Variants in NRROS observed in about 807,000 individuals in gnomAD.
The protein encoded by NRROS is negative regulator of reactive oxygen species.
In NRROS, 6 loss-of-function variants were observed where a neutral mutation model predicts 12.0. The observed-to-expected ratio is 0.50, with a 90% CI of 0.27 to 0.98. The LOEUF is 0.98. NRROS is among the 50% of genes least tolerant of loss of function. NRROS has a pLI of 0.11. For missense variants in NRROS, 857 were observed against 888.2 expected, an observed-to-expected ratio of 0.96 and a Z score of 0.45; for synonymous variants, 462 against 410.2, an observed-to-expected ratio of 1.13 and a Z score of -1.53.
Position 196,654,716 on chromosome 3 carries a change from C to A in NRROS, c.108+69C>A. 1.0e-6 allele frequency: 1 copy of A among 971,740 alleles called. No homozygotes were observed. The highest frequency in any genetic ancestry group is 2.2e-4 in the Middle Eastern group (1 of 4,524). The allele number at this position is 971,740 out of a possible 1,614,324, so 60.2% of individuals were successfully genotyped here. Reference sequence around the variant, plus strand: ...GACAAGGCTTGGTCCATTTGGAAAGCTGACAGATTGTCCATCAGGAAGGGC... The same window carrying A: ...GACAAGGCTTGGTCCATTTGGAAAGATGACAGATTGTCCATCAGGAAGGGC... On this transcript the variant is annotated intron_variant, in intron 2 of 2. Coordinates refer to ENST00000328557, the MANE Select transcript of NRROS (RefSeq NM_198565.3). The surrounding 1 kb of genome is among the most constrained non-coding windows in gnomAD (Gnocchi z 4.4).
intron 1 of NRROS, among the ~76,000 whole-genome samples, chr3:196,644,835 C>T (rs1417008941): frequency 6.6e-6 from 1 of 150,896 alleles, no homozygotes; most frequent in Non-Finnish European, 1.5e-5. Context: ...TGCCTGTAGC[C>T]CCAGCTACTC....
intron 1 of NRROS, among the ~76,000 whole-genome samples, chr3:196,650,598 T>C (rs907798352): frequency 1.3e-5 from 2 of 152,246 alleles, no homozygotes; most frequent in Non-Finnish European, 2.9e-5. Flanking sequence ...ACATAATTTC[T>C]AAAACAAAGG....
chr3:196,661,349 C>G lies in NRROS; in HGVS notation c.1706C>G (p.Ser569Trp). ...GAGACCCTGGATCTCCGTAGAAACT[C>G]GCTCACAGCCCTTCCCCAGAAGGCT... ...ALETLDLRRN[S>W]LTALPQKAVS... Residue 569 changes from serine to tryptophan, a missense_variant, in exon 3 of 3, where the codon TCG becomes TGG. Transcript: ENST00000328557. The G allele has an allele frequency of 6.3e-7, 1 of 1,580,734 alleles. No homozygotes were observed. Among genetic ancestry groups the G allele is most frequent in the Non-Finnish European group, 8.6e-7 (1 of 1,162,470 alleles).
Position 196,660,856 on chromosome 3 carries a change from C to A in NRROS, c.1213C>A (p.Arg405Ser), listed in dbSNP as rs1473470158. The A allele has an allele frequency of 6.2e-7, 1 of 1,613,746 alleles. No individual in the cohort carries two copies. The highest frequency in any genetic ancestry group is 1.3e-5 in the African/African-American group (1 of 74,936). The change falls in exon 3 of 3, where the codon CGC becomes AGC. Residue 405 changes from arginine (R) to serine (S), a missense_variant. By Grantham distance (110) the Arg-to-Ser change is moderately radical. Transcript: ENST00000328557. This position sits in a 1 kb window ranked among gnomAD's most constrained non-coding sequence, Gnocchi z 7.7. Reference protein sequence around the residue: ...PGLASCLGSLRLFNLSSNQLL... With the variant: ...PGLASCLGSLSLFNLSSNQLL... ...GCTGGCCAGCTGCCTGGGCAGCCTG[C>A]GCTTGTTCAACCTGAGCTCCAACCA...
At chr3:196,652,750 C>T (rs1737454336) in intron 1 of NRROS, among the ~76,000 whole-genome samples, 1 of 152,124 alleles carries the variant, frequency 6.6e-6, no homozygotes, top group Non-Finnish European at 1.5e-5. Context: ...CGCTGAGGGA[C>T]CTGCACTCTT....
chr3:196,645,423 T>C (rs2108636045), intron 1 of NRROS, among the ~76,000 whole-genome samples: 1 of 152,274 alleles, frequency 6.6e-6, no homozygotes, highest in East Asian at 1.9e-4. Context: ...CTGTACAGCC[T>C]AAACCTATGT....
At chr3:196,643,271 C>G (rs981430077) in intron 1 of NRROS, among the ~76,000 whole-genome samples, 14 of 152,248 alleles carry the variant, frequency 9.2e-5, no homozygotes, top group African/African-American at 3.4e-4. Context: ...CAGGTGCTGA[C>G]CCCAAGCCAA....
At chr3:196,650,590 A>G (rs751937020) in intron 1 of NRROS, among the ~76,000 whole-genome samples, 1 of 152,228 alleles carries the variant, frequency 6.6e-6, no homozygotes. Context: ...CGCAACAAAC[A>G]TAATTTCTAA....
At chr3:196,655,110 C>A (rs1416551942) in intron 2 of NRROS, 6 of 162,720 alleles carry the variant, frequency 3.7e-5, no homozygotes, top group Non-Finnish European at 6.7e-5. Context: ...TGGCACACAC[C>A]TATAGTCCCA....
chr3:196,652,312 T>C (rs1235240526), intron 1 of NRROS, among the ~76,000 whole-genome samples: 4 of 152,224 alleles, frequency 2.6e-5, no homozygotes, highest in Non-Finnish European at 1.5e-5. Context: ...CACTGGTGTT[T>C]GGAACTCACA....
chr3:196,660,096 C>T lies in NRROS; in HGVS notation c.453C>T (p.Leu151=), dbSNP rs1219515439. The change falls in exon 3 of 3, where the codon CTC becomes CTT. Residue 151 remains leucine (L), a synonymous_variant. Coordinates refer to ENST00000328557, the MANE Select transcript of NRROS (RefSeq NM_198565.3). The surrounding 1 kb of genome is among the most constrained non-coding windows in gnomAD (Gnocchi z 7.7). ...CCCTGACGGAGGACATGGCAGCCCT[C>T]ATGCTCCAGAACCTCTCCTCGCTGC... ...GNALTEDMAA[L]MLQNLSSLRS... 1 of 1,613,124 alleles carries T rather than the reference C, an allele frequency of 6.2e-7. No individual in the cohort carries two copies. The highest frequency in any genetic ancestry group is 8.5e-7 in the Non-Finnish European group (1 of 1,179,958).
chr3:196,643,373 G>T (rs917818515), intron 1 of NRROS, among the ~76,000 whole-genome samples: 1 of 152,174 alleles, frequency 6.6e-6, no homozygotes, highest in South Asian at 2.1e-4. Flanking sequence ...CCTCACCCAC[G>T]AGGTGGGCGC....
chr3:196,657,211 A>G (rs536508466), intron 2 of NRROS, among the ~76,000 whole-genome samples: 1 of 151,818 alleles, frequency 6.6e-6, no homozygotes, highest in Admixed American at 6.6e-5. Context: ...ATCAAAAAAA[A>G]AAAAAAGAAA....
chr3:196,652,444 G>C (rs1276236955), intron 1 of NRROS, among the ~76,000 whole-genome samples: 1 of 152,176 alleles, frequency 6.6e-6, no homozygotes, highest in East Asian at 1.9e-4. Flanking sequence ...TTTGTAGACG[G>C]ATTCTCTGAG....
intron 1 of NRROS, among the ~76,000 whole-genome samples, chr3:196,649,580 T>G (rs1577630764): frequency 6.6e-6 from 1 of 152,182 alleles, no homozygotes; most frequent in Admixed American, 6.5e-5. Context: ...CACGCCATTC[T>G]CCTGCCTCAG....
At chr3:196,658,818 A>T (rs149241579) in intron 2 of NRROS, among the ~76,000 whole-genome samples, 6 of 152,042 alleles carry the variant, frequency 3.9e-5, no homozygotes, top group African/African-American at 1.4e-4. Context: ...AATACAAAAA[A>T]AGTTAGCTGG....
In NRROS at chr3:196,654,601, A is replaced by G. The variant is rs1737497107; in HGVS notation, c.62A>G (p.Asn21Ser). The change falls in exon 2 of 3, where the codon AAC (asparagine) becomes AGC (serine). Residue 21 changes from asparagine to serine, a missense_variant. Coordinates refer to ENST00000328557, the MANE Select transcript of NRROS (RefSeq NM_198565.3). The surrounding 1 kb of genome is among the most constrained non-coding windows in gnomAD (Gnocchi z 4.4). ...GFHFLTVGWRNRSGTATAASQ... is the reference protein window; with the variant it reads ...GFHFLTVGWRSRSGTATAASQ... The stretch of plus-strand genomic sequence containing the variant: ...CACTTCCTGACCGTGGGCTGGAGGA[A>G]CAGAAGCGGAACAGCCACAGCAGCC... The G allele has an allele frequency of 1.9e-6, 3 of 1,613,960 alleles. No homozygotes were observed. The highest frequency in any genetic ancestry group is 1.7e-5 in the Admixed American group (1 of 59,988).
At chr3:196,657,314 C>T (rs1737555901) in intron 2 of NRROS, among the ~76,000 whole-genome samples, 1 of 152,080 alleles carries the variant, frequency 6.6e-6, no homozygotes, top group African/African-American at 2.4e-5. Context: ...AGGTGTGACC[C>T]ACGACTGCAG....
chr3:196,648,230 A>G (rs1379082090), intron 1 of NRROS, among the ~76,000 whole-genome samples: 1 of 152,148 alleles, frequency 6.6e-6, no homozygotes, highest in African/African-American at 2.4e-5. Flanking sequence ...GAGTAGTAAT[A>G]TTTTGCTTTA....
Sources: gnomAD v4.1 joint callset for allele counts (sites outside exome capture counted in the v4.1 genomes callset) on GRCh38, gnomAD v4.1.1 for gene constraint, Gnocchi (gnomAD v3.1) non-coding constraint, MANE v1.5 for transcripts, NCBI Gene and HGNC (gene_info 2026-07-23, HGNC 2026-07-21) for gene names.